Variants in XKR9 observed in about 807,000 individuals in gnomAD.
The protein encoded by XKR9 is XK related 9.
A neutral mutation model predicts 32.0 loss-of-function variants in XKR9; 32 were observed. The ratio of observed to expected loss-of-function variants is 1.00; its 90% confidence interval spans 0.76 to 1.34. XKR9 has a LOEUF of 1.34. Among genes scored for constraint, XKR9 ranks in the 40% most tolerant of loss-of-function variants. XKR9 has a pLI of 0.00. For missense variants in XKR9, 546 were observed against 429.7 expected (o/e 1.27, Z -2.39); for synonymous variants, 168 against 143.4 (o/e 1.17, Z -1.22).
the XKR9 span, among the ~76,000 whole-genome samples, chr8:70,846,666 C>G: frequency 6.6e-6 from 1 of 151,712 alleles, no homozygotes; most frequent in Non-Finnish European, 1.5e-5. Flanking sequence ...CATATATGCA[C>G]TAAAAGCAAA....
the XKR9 span, among the ~76,000 whole-genome samples, chr8:70,920,199 C>A: frequency 6.6e-6 from 1 of 152,000 alleles, no homozygotes; most frequent in Non-Finnish European, 1.5e-5. Context: ...CTTTGTCTGT[C>A]CTATATACTT....
chr8:70,958,397 A>G, the XKR9 span, among the ~76,000 whole-genome samples: 1 of 152,036 alleles, frequency 6.6e-6, no homozygotes, highest in Non-Finnish European at 1.5e-5. Flanking sequence ...AGTCATTCTG[A>G]CTGGTTTTAA....
chr8:70,712,577 A>G (rs1805955341), intron 4 of XKR9, among the ~76,000 whole-genome samples: 2 of 152,108 alleles, frequency 1.3e-5, no homozygotes, highest in East Asian at 1.9e-4. Context: ...AAAGTTACCT[A>G]CCTGACTCCT....
the XKR9 span, among the ~76,000 whole-genome samples, chr8:70,877,507 C>G: frequency 2.0e-5 from 3 of 152,058 alleles, no homozygotes; most frequent in Non-Finnish European, 2.9e-5. Context: ...AGCTAGGATA[C>G]AGACTCAGAT....
the XKR9 span, among the ~76,000 whole-genome samples, chr8:70,865,702 C>T: frequency 4.6e-5 from 7 of 152,202 alleles, no homozygotes; most frequent in South Asian, 1.5e-3. Flanking sequence ...TGGAGTACTT[C>T]CATGCTCTTA....
At chr8:70,854,257 T>G in the XKR9 span, among the ~76,000 whole-genome samples, 2 of 152,368 alleles carry the variant, frequency 1.3e-5, no homozygotes, top group Admixed American at 6.5e-5. Context: ...TGGTTTTGAT[T>G]TGCATTTCTC....
chr8:70,824,723 G>A, the XKR9 span, among the ~76,000 whole-genome samples: 4 of 151,948 alleles, frequency 2.6e-5, no homozygotes, highest in East Asian at 7.7e-4. Flanking sequence ...TTTACCCTAG[G>A]AACATTGGGA....
At chr8:71,065,527 C>T in the XKR9 span, among the ~76,000 whole-genome samples, 8 of 152,290 alleles carry the variant, frequency 5.3e-5, no homozygotes, top group South Asian at 6.2e-4. Flanking sequence ...TATTTTGTTA[C>T]GGCAGCCCAA....
At chr8:70,980,630 G>A in the XKR9 span, among the ~76,000 whole-genome samples, 1 of 152,134 alleles carries the variant, frequency 6.6e-6, no homozygotes, top group African/African-American at 2.4e-5. Flanking sequence ...TAAATTCAAT[G>A]TTATTATTGA....
At chr8:70,960,740 C>T in the XKR9 span, among the ~76,000 whole-genome samples, 16 of 151,508 alleles carry the variant, frequency 1.1e-4, no homozygotes, top group African/African-American at 3.9e-4. Flanking sequence ...AATGTAGTGG[C>T]AAGTGCCTGT....
chr8:70,713,076 C>T (rs985037756), intron 4 of XKR9, among the ~76,000 whole-genome samples: 1 of 151,872 alleles, frequency 6.6e-6, no homozygotes. Context: ...AAATATGGAA[C>T]AGAAAACTAT....
intron 4 of XKR9, among the ~76,000 whole-genome samples, chr8:70,729,256 G>A (rs1347430733): frequency 6.6e-6 from 1 of 152,116 alleles, no homozygotes; most frequent in Non-Finnish European, 1.5e-5. Flanking sequence ...AAGGTAGAGA[G>A]ACAAATATGC....
chr8:70,740,092 C>T (rs1337045217), downstream of XKR9, among the ~76,000 whole-genome samples: 1 of 152,208 alleles, frequency 6.6e-6, no homozygotes, highest in African/African-American at 2.4e-5. Context: ...CTGCCCGTCA[C>T]TTTCAGGTAC....
the XKR9 span, among the ~76,000 whole-genome samples, chr8:70,892,199 C>T: frequency 6.6e-6 from 1 of 152,014 alleles, no homozygotes; most frequent in Non-Finnish European, 1.5e-5. Context: ...CACTTAAAAT[C>T]CATTTAGCCA....
the XKR9 span, among the ~76,000 whole-genome samples, chr8:70,886,715 C>G: frequency 6.6e-6 from 1 of 151,412 alleles, no homozygotes; most frequent in Admixed American, 6.6e-5. Context: ...TGTTCATATC[C>G]TTCACCCACT....
the XKR9 span, among the ~76,000 whole-genome samples, chr8:70,812,381 C>G: frequency 6.6e-6 from 1 of 152,174 alleles, no homozygotes; most frequent in East Asian, 1.9e-4. Context: ...AAAACTGGCA[C>G]AAGACAGGGA....
the XKR9 span, among the ~76,000 whole-genome samples, chr8:71,009,525 T>C: frequency 2.6e-5 from 4 of 152,300 alleles, no homozygotes; most frequent in South Asian, 8.3e-4. Flanking sequence ...TAGATGATGA[T>C]GGGGCGATTG....
the XKR9 span, among the ~76,000 whole-genome samples, chr8:70,874,337 T>C: frequency 6.6e-6 from 1 of 152,242 alleles, no homozygotes; most frequent in Non-Finnish European, 1.5e-5. Flanking sequence ...TAAGATTTTC[T>C]GTATTGATGA....
At chr8:70,941,860 T>C in the XKR9 span, among the ~76,000 whole-genome samples, 1 of 152,142 alleles carries the variant, frequency 6.6e-6, no homozygotes, top group African/African-American at 2.4e-5. Context: ...TATTTGAGTA[T>C]ACATATTTGT....
Sources: allele counts gnomAD v4.1 joint callset (sites outside exome capture counted in the v4.1 genomes callset), GRCh38; gene constraint gnomAD v4.1.1; transcripts MANE v1.5; gene names NCBI Gene and HGNC (gene_info 2026-07-23, HGNC 2026-07-21).